Variants in UBE2QL1 observed in about 807,000 individuals in gnomAD.
UBE2QL1 encodes the protein ubiquitin-conjugating enzyme E2Q-like protein 1.
In UBE2QL1, 5 loss-of-function variants were observed where a neutral mutation model predicts 12.6. The observed-to-expected ratio is 0.40, with a 90% CI of 0.21 to 0.83. UBE2QL1 has a LOEUF of 0.83. UBE2QL1 is among the 40% of genes least tolerant of loss of function. The pLI, the probability that UBE2QL1 is intolerant of heterozygous loss-of-function variation, is 0.37. For synonymous variants in UBE2QL1, 96 were observed against 94.5 expected (o/e 1.02, Z -0.10); for missense variants, 99 against 222.6 (o/e 0.44, Z 3.53).
Position 6,491,334 on chromosome 5 carries a change from C to G in UBE2QL1, c.471C>G (p.Pro157=). The change falls in exon 2 of 2, where the codon CCC becomes CCG. Residue 157 remains proline, a synonymous_variant. Transcript: ENST00000399816. The stretch of plus-strand genomic sequence containing the variant: ...AAAAATATGGTTGGGTCACCCCGCC[C>G]GTGTCCGACGGCTGATGTCTGCCAC... ...THEKYGWVTP[P]VSDG is the part of the protein sequence containing the mutation. The G allele has an allele frequency of 1.9e-6, 3 of 1,550,750 alleles. No individual in the cohort carries two copies. The highest frequency in any genetic ancestry group is 1.2e-5 in the South Asian group (1 of 83,902).
At chr5:6,460,992 T>G (rs544309731) in intron 1 of UBE2QL1, among the ~76,000 whole-genome samples, 1 of 152,342 alleles carries the variant, frequency 6.6e-6, no homozygotes, top group Admixed American at 6.5e-5. Flanking sequence ...TCACACAGAA[T>G]GAACATCAAC....
chr5:6,464,165 C>G (rs979533568), intron 1 of UBE2QL1, among the ~76,000 whole-genome samples: 2 of 152,136 alleles, frequency 1.3e-5, no homozygotes, highest in African/African-American at 4.8e-5. Flanking sequence ...ACAGGCCTAG[C>G]AAACAAGGTC....
intron 1 of UBE2QL1, among the ~76,000 whole-genome samples, chr5:6,463,410 G>A (rs1356300366): frequency 3.9e-5 from 6 of 151,984 alleles, no homozygotes; most frequent in Non-Finnish European, 7.4e-5. Context: ...CTTGGTGCAG[G>A]GCCTTGGGTA....
In UBE2QL1 at chr5:6,476,997, A is replaced by G. The variant is rs1734248165; in HGVS notation, c.355-14221A>G. 6.6e-6 allele frequency among the ~76,000 whole-genome samples: 1 copy of G among 151,960 alleles called. No individual in the cohort carries two copies. The highest frequency in any genetic ancestry group is 2.1e-4 in the South Asian group (1 of 4,808). On this transcript the variant is annotated intron_variant, in intron 1 of 1. Coordinates refer to ENST00000399816, the MANE Select transcript of UBE2QL1 (RefSeq NM_001145161.3). The surrounding 1 kb of genome is among the most constrained non-coding windows in gnomAD (Gnocchi z 4.9). Reference sequence around the variant, plus strand: ...TGGCCCACATGGAAGCCCACAGACCACCAGCCCACACCAGTGCTGGAGGTC... The same window carrying G: ...TGGCCCACATGGAAGCCCACAGACCGCCAGCCCACACCAGTGCTGGAGGTC...
chr5:6,480,405 G>A (rs1734335414), intron 1 of UBE2QL1, among the ~76,000 whole-genome samples: 2 of 152,178 alleles, frequency 1.3e-5, no homozygotes, highest in Admixed American at 6.5e-5. Context: ...GACAGCCCTC[G>A]ACACAGTCGA....
intron 1 of UBE2QL1, among the ~76,000 whole-genome samples, chr5:6,461,624 G>GA (rs1739668259): frequency 2.8e-5 from 4 of 142,884 alleles, no homozygotes; most frequent in African/African-American, 7.8e-5. Flanking sequence ...ATCTAAATCA[G>GA]TTCCTGGGCC....
At chr5:6,450,635 A>G (rs1424547893) in intron 1 of UBE2QL1, among the ~76,000 whole-genome samples, 1 of 152,090 alleles carries the variant, frequency 6.6e-6, no homozygotes, top group African/African-American at 2.4e-5. Context: ...CTTTCACACT[A>G]ATCAAATAAT....
intron 1 of UBE2QL1, among the ~76,000 whole-genome samples, chr5:6,458,315 G>A (rs1164969099): frequency 3.9e-5 from 6 of 152,174 alleles, no homozygotes; most frequent in Non-Finnish European, 8.8e-5. Flanking sequence ...TCAGTTACAC[G>A]TAAAGTTGAA....
chr5:6,482,071 T>C (rs1350173481), intron 1 of UBE2QL1, among the ~76,000 whole-genome samples: 1 of 152,156 alleles, frequency 6.6e-6, no homozygotes, highest in African/African-American at 2.4e-5. Flanking sequence ...CTGGTGTCAC[T>C]GTAAGAAGAG....
chr5:6,475,663 G>A (rs112661989), intron 1 of UBE2QL1, among the ~76,000 whole-genome samples: 2 of 151,450 alleles, frequency 1.3e-5, no homozygotes, highest in Non-Finnish European at 2.9e-5. Context: ...CAAGGGAAGG[G>A]GTAGGAAGGC....
At chr5:6,462,614 A>G (rs1288106159) in intron 1 of UBE2QL1, among the ~76,000 whole-genome samples, 3 of 152,294 alleles carry the variant, frequency 2.0e-5, no homozygotes, top group African/African-American at 4.8e-5. Context: ...AGTGCCAGGT[A>G]TGAGAGGCCA....
intron 1 of UBE2QL1, among the ~76,000 whole-genome samples, chr5:6,477,132 G>A (rs570255384): frequency 2.0e-5 from 3 of 152,280 alleles, no homozygotes; most frequent in African/African-American, 7.2e-5. Flanking sequence ...TGATCACCAT[G>A]ACACTGTCTC....
chr5:6,489,156 G>A (rs1400166589), intron 1 of UBE2QL1, among the ~76,000 whole-genome samples: 1 of 152,096 alleles, frequency 6.6e-6, no homozygotes, highest in East Asian at 1.9e-4. Context: ...TGTGCATCGT[G>A]GCACATGCCT....
intron 1 of UBE2QL1, among the ~76,000 whole-genome samples, chr5:6,450,619 C>A (rs1328356121): frequency 6.6e-6 from 1 of 152,192 alleles, no homozygotes; most frequent in Non-Finnish European, 1.5e-5. Flanking sequence ...ACTTTCACTG[C>A]AGGCTCTTTC....
At position 6,476,120 on chromosome 5, in the gene UBE2QL1, G is replaced by A. The variant is rs1011418185; in HGVS notation, c.355-15098G>A. ...CTGCTTAGTCATGGATGAGTATCTG[G>A]AAAGCTCAGGGAGCTTTCCAGTGGC... is the stretch of plus-strand genomic sequence containing the variant. On this transcript the variant is annotated intron_variant, in intron 1 of 1. Coordinates refer to ENST00000399816, the MANE Select transcript of UBE2QL1 (RefSeq NM_001145161.3). This position sits in a 1 kb window ranked among gnomAD's most constrained non-coding sequence, Gnocchi z 4.9. Among the ~76,000 whole-genome samples, 2 of 151,988 alleles carry A rather than the reference G, an allele frequency of 1.3e-5. No individual in the cohort carries two copies. The highest frequency in any genetic ancestry group is 4.8e-5 in the African/African-American group (2 of 41,372).
At chr5:6,490,576 TG>T (rs1418001015) in intron 1 of UBE2QL1, among the ~76,000 whole-genome samples, 1 of 152,194 alleles carries the variant, frequency 6.6e-6, no homozygotes, top group East Asian at 1.9e-4. Flanking sequence ...ACCTCGAGGA[TG>T]GGTCTCTTCT....
chr5:6,489,491 T>C (rs919559895), intron 1 of UBE2QL1, among the ~76,000 whole-genome samples: 17 of 152,060 alleles, frequency 1.1e-4, no homozygotes, highest in African/African-American at 3.9e-4. Context: ...CAGTGACAGA[T>C]GCACAAGTGA....
intron 1 of UBE2QL1, among the ~76,000 whole-genome samples, chr5:6,463,728 C>T (rs892675609): frequency 1.4e-5 from 2 of 141,800 alleles, no homozygotes; most frequent in African/African-American, 2.6e-5. Context: ...CCCGGGTTCA[C>T]GCCGTTCTCC....
chr5:6,477,093 T>C (rs1323965256), intron 1 of UBE2QL1, among the ~76,000 whole-genome samples: 2 of 152,134 alleles, frequency 1.3e-5, no homozygotes, highest in East Asian at 1.9e-4. Context: ...CCCCCATGCC[T>C]ACACCAGCGC....
Sources: gnomAD v4.1 joint callset for allele counts (sites outside exome capture counted in the v4.1 genomes callset) on GRCh38, gnomAD v4.1.1 for gene constraint, Gnocchi (gnomAD v3.1) non-coding constraint, MANE v1.5 for transcripts, NCBI Gene and HGNC (gene_info 2026-07-23, HGNC 2026-07-21) for gene names.